AFF3: variants seen among roughly 807,000 people sequenced by gnomAD.
The protein encoded by AFF3 is AF4/FMR2 family member 3.
Under a neutral mutation model 129.7 loss-of-function variants are expected in AFF3, and 32 were observed. The ratio of observed to expected loss-of-function variants is 0.25; its 90% CI spans 0.19 to 0.33. AFF3 has a LOEUF of 0.33. AFF3 is among the 10% of genes least tolerant of loss of function. AFF3 has a pLI of 1.00. For synonymous variants in AFF3, 644 were observed against 635.4 expected, an observed-to-expected ratio of 1.01 and a Z score of -0.20; for missense variants, 1,373 against 1,592.0, an observed-to-expected ratio of 0.86 and a Z score of 2.34.
chr2:99,956,317 C>G (rs1400109756), intron 7 of AFF3, among the ~76,000 whole-genome samples: 1 of 152,058 alleles, frequency 6.6e-6, no homozygotes, highest in Non-Finnish European at 1.5e-5. Flanking sequence ...AGCACTGGGG[C>G]CCTCCTTTAT....
chr2:99,636,063 C>A (rs1443053635), intron 13 of AFF3, among the ~76,000 whole-genome samples: 7 of 152,202 alleles, frequency 4.6e-5, no homozygotes, highest in Non-Finnish European at 7.3e-5. Flanking sequence ...GGCCATGATT[C>A]AAAGAGAACC....
intron 7 of AFF3, among the ~76,000 whole-genome samples, chr2:99,884,986 C>T (rs1042092449): frequency 6.6e-5 from 10 of 152,124 alleles, no homozygotes; most frequent in Non-Finnish European, 4.4e-5. Context: ...AACTGCCCAC[C>T]GCTTCCAAAC....
intron 8 of AFF3, among the ~76,000 whole-genome samples, chr2:99,832,043 T>C (rs2105762089): frequency 6.6e-6 from 1 of 152,348 alleles, no homozygotes; most frequent in African/African-American, 2.4e-5. Context: ...GTCAGTCCTC[T>C]AGTGTAGTGC....
intron 10 of AFF3, among the ~76,000 whole-genome samples, chr2:99,739,045 T>A (rs566483946): frequency 6.6e-6 from 1 of 150,430 alleles, no homozygotes; most frequent in Non-Finnish European, 1.5e-5. Flanking sequence ...ATTATGGTAC[T>A]TTTTGTTTTT....
intron 7 of AFF3, among the ~76,000 whole-genome samples, chr2:99,863,126 G>A (rs901578746): frequency 2.0e-5 from 3 of 152,190 alleles, no homozygotes; most frequent in African/African-American, 4.8e-5. Flanking sequence ...CATTCCTTAT[G>A]GCCATTGATT....
At chr2:99,948,547 G>A (rs7606572) in intron 7 of AFF3, among the ~76,000 whole-genome samples, 11,127 of 152,250 alleles carry the variant, frequency 0.073, 1,107 homozygotes, top group African/African-American at 0.23. Flanking sequence ...TGATGAATGA[G>A]AAAAGAGGGC....
chr2:100,099,752 T>C (rs1477615188), intron 4 of AFF3, among the ~76,000 whole-genome samples: 2 of 152,134 alleles, frequency 1.3e-5, no homozygotes, highest in Non-Finnish European at 2.9e-5. Context: ...TACAGCAGGG[T>C]TTCCTAAACT....
chr2:99,862,039 G>A (rs2105918369), intron 7 of AFF3, among the ~76,000 whole-genome samples: 1 of 152,130 alleles, frequency 6.6e-6, no homozygotes, highest in Non-Finnish European at 1.5e-5. Flanking sequence ...TCTCCACATT[G>A]GCCAAACTGC....
chr2:99,598,672 CAGCACAAACTGGTCTG>C (rs1340095299), intron 14 of AFF3, among the ~76,000 whole-genome samples: 2 of 152,192 alleles, frequency 1.3e-5, no homozygotes, highest in African/African-American at 4.8e-5. Flanking sequence ...TGCTTCAAAG[CAGCACAAACTGGTCTG>C]AGCAGCGGAA....
rs150966730 is a variant in AFF3 at position 99,847,647 on chromosome 2, C to T, written c.874-10123G>A. Among the ~76,000 whole-genome samples the T allele has an allele frequency of 3.3e-5, 5 of 151,882 alleles. No individual in the cohort carries two copies. In the East Asian group the frequency reaches 9.9e-4, roughly 30 times the overall value. ...AGAGTGAGTCCTTCTGCTTGTAGAA[C>T]TTGGGGTATCTGGGGCTGAACTCAG... On this transcript the variant is annotated intron_variant, in intron 7 of 24. Transcript: ENST00000672756.
At chr2:99,696,108 A>G (rs1394353403) in intron 11 of AFF3, among the ~76,000 whole-genome samples, 2 of 152,058 alleles carry the variant, frequency 1.3e-5, no homozygotes, top group Non-Finnish European at 2.9e-5. Flanking sequence ...TTAGCTGTCC[A>G]AACCCATTCA....
chr2:99,953,870 C>T (rs1031962742), intron 7 of AFF3, among the ~76,000 whole-genome samples: 4 of 152,176 alleles, frequency 2.6e-5, no homozygotes, highest in African/African-American at 7.2e-5. Context: ...ACCTCCACAT[C>T]GCCAGGCTTC....
chr2:100,006,094 C>G (rs1000520501), intron 7 of AFF3: 6 of 152,292 alleles, frequency 3.9e-5, no homozygotes, highest in African/African-American at 1.4e-4. Context: ...TTGAATAGTT[C>G]ACCATATTCA....
At chr2:100,142,293 C>T (rs1387102177) in intron 1 of AFF3, among the ~76,000 whole-genome samples, 191 bp downstream of exon 1, 3 of 152,070 alleles carry the variant, frequency 2.0e-5, no homozygotes, top group Non-Finnish European at 2.9e-5. Flanking sequence ...TCTTCCTTCT[C>T]AATCCCTCTG....
At chr2:99,649,320 G>C (rs1685014950) in intron 13 of AFF3, among the ~76,000 whole-genome samples, 2 of 152,140 alleles carry the variant, frequency 1.3e-5, no homozygotes, top group South Asian at 4.1e-4. Context: ...TGAAAAATGA[G>C]CTTAGATCTC....
At chr2:99,828,918 T>C (rs1452076796) in intron 8 of AFF3, among the ~76,000 whole-genome samples, 2 of 152,192 alleles carry the variant, frequency 1.3e-5, no homozygotes, top group Admixed American at 6.5e-5. Context: ...ATATTTTAAG[T>C]ACTAATATCA....
chr2:99,940,711 A>G (rs931810576), intron 7 of AFF3, among the ~76,000 whole-genome samples: 1 of 152,200 alleles, frequency 6.6e-6, no homozygotes, highest in Admixed American at 6.5e-5. Context: ...TGCTCTGTCT[A>G]TGGAGTAGCC....
Position 99,827,793 on chromosome 2 carries a change from A to G in AFF3, c.921+9684T>C, listed in dbSNP as rs574756515. Among the ~76,000 whole-genome samples the G allele has an allele frequency of 3.0e-4, 45 of 152,040 alleles. No individual in the cohort carries two copies. In the South Asian group the frequency reaches 8.1e-3, roughly 27 times the overall value. On this transcript the variant is annotated intron_variant, in intron 8 of 24. Coordinates refer to ENST00000672756, the MANE Select transcript of AFF3 (RefSeq NM_001386135.1). The stretch of plus-strand genomic sequence containing the variant: ...GAGGTTAGAAGAGGGCAGAGAGAGG[A>G]GGTGCTCACTCCTGTGCTGGCTTCA...
chr2:99,777,947 C>CAAAAAAAA (rs576434643), intron 8 of AFF3, among the ~76,000 whole-genome samples: 148 of 48,248 alleles, frequency 3.1e-3, no homozygotes, highest in South Asian at 6.4e-3. Flanking sequence ...AAAGCAAAAG[C>CAAAAAAAA]AAAAAAAAAA....
Sources: allele counts gnomAD v4.1 joint callset (sites outside exome capture counted in the v4.1 genomes callset), GRCh38; gene constraint gnomAD v4.1.1; transcripts MANE v1.5; gene names NCBI Gene and HGNC (gene_info 2026-07-23, HGNC 2026-07-21).